PDE11A: variants seen among roughly 807,000 people sequenced by gnomAD.
The protein encoded by PDE11A is phosphodiesterase 11A, also known as dual 3',5'-cyclic-AMP and -GMP phosphodiesterase 11A.
In PDE11A, 100 loss-of-function variants were observed where a neutral mutation model predicts 100.5. The ratio of observed to expected loss-of-function variants is 1.00; its 90% CI spans 0.85 to 1.18. The LOEUF is 1.18. PDE11A is among the 50% of genes most tolerant of loss of function. PDE11A has a pLI of 0.00. For missense variants in PDE11A, 1,141 were observed against 1,152.6 expected (o/e 0.99, Z 0.15); for synonymous variants, 381 against 420.8 (o/e 0.91, Z 1.16).
chr2:177,854,034 T>G (rs1176358632), intron 5 of PDE11A, among the ~76,000 whole-genome samples: 2 of 151,484 alleles, frequency 1.3e-5, no homozygotes. Context: ...GCATGTTAAA[T>G]GAGAGACCTA....
chr2:178,008,295 A>T (rs2086236133), intron 2 of PDE11A, among the ~76,000 whole-genome samples: 1 of 152,190 alleles, frequency 6.6e-6, no homozygotes, highest in African/African-American at 2.4e-5. Flanking sequence ...TCATAAGATG[A>T]CAGAAGAAAT....
intron 4 of PDE11A, among the ~76,000 whole-genome samples, chr2:177,878,250 CACA>C (rs1204863414): frequency 2.6e-5 from 4 of 152,276 alleles, no homozygotes; most frequent in South Asian, 2.1e-4. Flanking sequence ...CAAAGATGGT[CACA>C]ACAATATCTT....
At chr2:177,761,714 C>T (rs1191723053) in intron 10 of PDE11A, among the ~76,000 whole-genome samples, 1 of 152,074 alleles carries the variant, frequency 6.6e-6, no homozygotes, top group Non-Finnish European at 1.5e-5. Flanking sequence ...TTTATATATA[C>T]AGATAGGGAG....
intron 19 of PDE11A, among the ~76,000 whole-genome samples, chr2:177,639,169 T>C (rs1053606746): frequency 2.0e-5 from 3 of 152,234 alleles, no homozygotes; most frequent in African/African-American, 7.2e-5. Context: ...AGGACTCACT[T>C]CATTCATTCC....
chr2:177,694,992 A>C (rs1418657229), intron 15 of PDE11A, among the ~76,000 whole-genome samples: 1 of 151,272 alleles, frequency 6.6e-6, no homozygotes. Flanking sequence ...GTTTTCTCTG[A>C]ATTTCATTTT....
chr2:177,770,543 C>T (rs1008811992), intron 9 of PDE11A, among the ~76,000 whole-genome samples: 1 of 132,850 alleles, frequency 7.5e-6, no homozygotes, highest in Non-Finnish European at 1.6e-5. Context: ...GTCGGCGCTG[C>T]TTCTTTCTTT....
At chr2:178,062,494 T>C (rs1443322714) in intron 1 of PDE11A, among the ~76,000 whole-genome samples, 1 of 152,118 alleles carries the variant, frequency 6.6e-6, no homozygotes, top group Non-Finnish European at 1.5e-5. Flanking sequence ...GAATTAGAGC[T>C]TCACTTTTCC....
At chr2:177,665,932 C>T in intron 18 of PDE11A, among the ~76,000 whole-genome samples, 1 of 151,368 alleles carries the variant, frequency 6.6e-6, no homozygotes. Context: ...TTTAATTATT[C>T]CATTTCTAGT....
chr2:177,785,096 C>A (rs1036538864), intron 9 of PDE11A, among the ~76,000 whole-genome samples: 2 of 152,340 alleles, frequency 1.3e-5, no homozygotes, highest in Middle Eastern at 3.4e-3. Flanking sequence ...TTGTGTCAGA[C>A]TGCTGAGCTC....
At chr2:177,973,391 C>T (rs1319635927) in intron 2 of PDE11A, among the ~76,000 whole-genome samples, 1 of 34,430 alleles carries the variant, frequency 2.9e-5, no homozygotes, top group Non-Finnish European at 6.0e-5. Context: ...GCTTAAGAAA[C>T]GGCGCACCAC....
intron 1 of PDE11A, among the ~76,000 whole-genome samples, chr2:178,035,816 A>G (rs2105844702): frequency 6.6e-6 from 1 of 152,354 alleles, no homozygotes; most frequent in African/African-American, 2.4e-5. Context: ...GGCCTTCAAT[A>G]AAATTCAACA....
intron 2 of PDE11A, among the ~76,000 whole-genome samples, chr2:177,905,882 T>C (rs899161849): frequency 6.6e-6 from 1 of 152,176 alleles, no homozygotes; most frequent in Non-Finnish European, 1.5e-5. Context: ...AGTCCTCCTA[T>C]GGGCAGAAAC....
chr2:178,094,396 G>A (rs1299257639), intron 2 of PDE11A, among the ~76,000 whole-genome samples: 1 of 152,078 alleles, frequency 6.6e-6, no homozygotes, highest in Non-Finnish European at 1.5e-5. Context: ...GCCGGGCATG[G>A]TGGTGCACTT....
At chr2:177,932,225 T>G (rs1341168696) in intron 2 of PDE11A, among the ~76,000 whole-genome samples, 1 of 152,138 alleles carries the variant, frequency 6.6e-6, no homozygotes, top group Non-Finnish European at 1.5e-5. Context: ...TTCTACCAGA[T>G]GTACAAAGAA....
At chr2:177,982,809 C>T (rs2085899160) in intron 2 of PDE11A, among the ~76,000 whole-genome samples, 1 of 150,906 alleles carries the variant, frequency 6.6e-6, no homozygotes, top group South Asian at 2.1e-4. Flanking sequence ...GGCATGGTAG[C>T]TCACACCTGT....
chr2:178,049,099 T>A (rs939254277), intron 1 of PDE11A, among the ~76,000 whole-genome samples: 1 of 152,242 alleles, frequency 6.6e-6, no homozygotes, highest in Non-Finnish European at 1.5e-5. Flanking sequence ...AATATTTAAA[T>A]GTTCAACATT....
At chr2:178,047,669 T>C (rs865785314) in intron 1 of PDE11A, among the ~76,000 whole-genome samples, 1 of 152,290 alleles carries the variant, frequency 6.6e-6, no homozygotes. Context: ...AGATCAGACA[T>C]GAGCCTCATT....
At chr2:177,631,537 A>G (rs377540705) in intron 19 of PDE11A, among the ~76,000 whole-genome samples, 15,507 of 27,422 alleles carry the variant, frequency 0.57, 5,790 homozygotes, top group East Asian at 0.76. Context: ...ATATATATAT[A>G]TATATATATA....
In PDE11A at chr2:177,972,614, A is replaced by G. The variant is rs1161488629; in HGVS notation, c.1071+41688T>C. ...GGGGAGAGGTTAGCAAGGGGGAATG[A>G]GTTAGAGGAGAAGAAAAAGCTGAAA... On this transcript the variant is annotated intron_variant, in intron 2 of 19. Coordinates refer to ENST00000286063, the MANE Select transcript of PDE11A (RefSeq NM_016953.4). 2.6e-5 allele frequency among the ~76,000 whole-genome samples: 4 copies of G among 152,150 alleles called. No homozygotes were observed. In the East Asian group the frequency reaches 7.7e-4, roughly 29 times the overall value.
Sources: gnomAD v4.1 joint callset for allele counts (sites outside exome capture counted in the v4.1 genomes callset) on GRCh38, gnomAD v4.1.1 for gene constraint, MANE v1.5 for transcripts, NCBI Gene and HGNC (gene_info 2026-07-23, HGNC 2026-07-21) for gene names.